Variants in SMOC1 observed in about 807,000 individuals in gnomAD.
SMOC1 encodes the protein SPARC related modular calcium binding 1, also known as SPARC-related modular calcium-binding protein 1.
Under a neutral mutation model 56.3 loss-of-function variants are expected in SMOC1, and 22 were observed. The observed-to-expected ratio is 0.39, with a 90% CI of 0.28 to 0.56. The LOEUF is 0.56. Among genes scored for constraint, SMOC1 ranks in the 20% least tolerant of loss-of-function variants. The probability of loss-of-function intolerance (pLI) is 0.61; values close to 1 mark genes in which losing one functional copy is unlikely to be tolerated. For missense variants in SMOC1, 509 were observed against 565.4 expected (o/e 0.90, Z 1.01); for synonymous variants, 193 against 215.0 (o/e 0.90, Z 0.89).
At chr14:69,899,590 G>T (rs1250735694) in intron 1 of SMOC1, among the ~76,000 whole-genome samples, 1 of 152,126 alleles carries the variant, frequency 6.6e-6, no homozygotes, top group African/African-American at 2.4e-5. Flanking sequence ...TTCATGAATT[G>T]TCCAATCCCC....
intron 3 of SMOC1, among the ~76,000 whole-genome samples, chr14:69,956,364 T>A (rs1397807378): frequency 1.3e-5 from 2 of 151,924 alleles, no homozygotes. Flanking sequence ...CCTCTTTGAG[T>A]ATGCTTCAGT....
intron 5 of SMOC1, among the ~76,000 whole-genome samples, chr14:69,986,612 T>C (rs778648605): frequency 6.6e-6 from 1 of 152,176 alleles, no homozygotes; most frequent in African/African-American, 2.4e-5. Flanking sequence ...TCGATAATCA[T>C]TTCAAAATAA....
Position 69,903,235 on chromosome 14 carries a change from G to C in SMOC1, c.99+23458G>C, listed in dbSNP as rs550630362. 3.3e-5 allele frequency among the ~76,000 whole-genome samples: 5 copies of C among 151,192 alleles called. No individual in the cohort carries two copies. In the South Asian group the frequency reaches 6.3e-4, roughly 19 times the overall value. ...GGGAGCCCCTCTGCCCCGCCGCCCC[G>C]TCTGGGATGTGAGGAGCGCCTCTGC... On this transcript the variant is annotated intron_variant, in intron 1 of 11. Coordinates refer to ENST00000361956, the MANE Select transcript of SMOC1 (RefSeq NM_001034852.3).
intron 1 of SMOC1, among the ~76,000 whole-genome samples, chr14:69,922,338 T>G (rs758327079): frequency 1.3e-5 from 2 of 152,256 alleles, no homozygotes; most frequent in Non-Finnish European, 2.9e-5. Flanking sequence ...CTCTTCATCA[T>G]GCTTCAGGCG....
chr14:70,009,665 A>G (rs192539803), intron 7 of SMOC1, among the ~76,000 whole-genome samples: 2 of 152,364 alleles, frequency 1.3e-5, no homozygotes, highest in East Asian at 1.9e-4. Flanking sequence ...AAACAAGTAA[A>G]TGAAAAATAA....
rs1886097602 is a variant in SMOC1 at position 70,030,324 on chromosome 14, C to T, written c.*66C>T. On this transcript the variant is annotated 3_prime_UTR_variant, in exon 12 of 12. Transcript: ENST00000361956. ...CAGGATGGATCACCAGACACCTAAC[C>T]TTCAGCGTTGCCCATGGCCCTGCCA... 1.3e-6 allele frequency: 2 copies of T among 1,599,458 alleles called. No homozygotes were observed. The highest frequency in any genetic ancestry group is 2.2e-5 in the East Asian group (1 of 44,810).
At chr14:69,893,689 T>C (rs1360068736) in intron 1 of SMOC1, among the ~76,000 whole-genome samples, 1 of 152,206 alleles carries the variant, frequency 6.6e-6, no homozygotes, top group African/African-American at 2.4e-5. Context: ...AACTGGCTTA[T>C]ACAGTGAAGG....
chr14:70,000,047 A>G (rs974386173), intron 7 of SMOC1, among the ~76,000 whole-genome samples: 1 of 152,202 alleles, frequency 6.6e-6, no homozygotes, highest in Non-Finnish European at 1.5e-5. Context: ...CTGAAATTGA[A>G]GATCTTGCCC....
At chr14:70,027,687 A>G (rs1338530863) in intron 11 of SMOC1, among the ~76,000 whole-genome samples, 1 of 151,942 alleles carries the variant, frequency 6.6e-6, no homozygotes, top group Non-Finnish European at 1.5e-5. Context: ...AGTTACCTAA[A>G]CTCTCTAAGC....
At chr14:69,989,301 C>G (rs1884480723) in intron 5 of SMOC1, among the ~76,000 whole-genome samples, 1 of 152,148 alleles carries the variant, frequency 6.6e-6, no homozygotes, top group African/African-American at 2.4e-5. Flanking sequence ...TGTTGGATAT[C>G]TTTTCATGTA....
At chr14:70,024,025 A>G (rs572800873) in intron 11 of SMOC1, among the ~76,000 whole-genome samples, 1 of 152,098 alleles carries the variant, frequency 6.6e-6, no homozygotes, top group Non-Finnish European at 1.5e-5. Flanking sequence ...AGGGAGTTTC[A>G]TGGGCCAGTC....
At chr14:70,016,138 C>A (rs180966045) in intron 10 of SMOC1, among the ~76,000 whole-genome samples, 12 of 152,072 alleles carry the variant, frequency 7.9e-5, no homozygotes. Flanking sequence ...AGGTGGGGGA[C>A]GCAGATGGGC....
chr14:69,976,412 TG>T (rs1482660463), intron 4 of SMOC1, among the ~76,000 whole-genome samples: 1 of 152,180 alleles, frequency 6.6e-6, no homozygotes, highest in Non-Finnish European at 1.5e-5. Context: ...CCAGGAGGCC[TG>T]GAGGGAGACC....
In SMOC1 at chr14:70,002,321, T is replaced by A. The variant is rs117681018; in HGVS notation, c.664+7841T>A. Reference sequence around the variant, plus strand: ...ATGGAAAAACCCATGCCAACAGAAGTGTGACTTTAATTCGTGCAAATTCTG... The same window carrying A: ...ATGGAAAAACCCATGCCAACAGAAGAGTGACTTTAATTCGTGCAAATTCTG... On this transcript the variant is annotated intron_variant, in intron 7 of 11. Coordinates refer to ENST00000361956, the MANE Select transcript of SMOC1 (RefSeq NM_001034852.3). 6.0e-3 allele frequency among the ~76,000 whole-genome samples: 910 copies of A among 152,340 alleles called. 4 individuals carry two copies. Among genetic ancestry groups the A allele is most frequent in the Middle Eastern group, 0.01 (3 of 294 alleles).
In SMOC1 at chr14:70,001,051, A is replaced by G. The variant is rs970187822; in HGVS notation, c.664+6571A>G. ...GAGGTACGAGGGAGAACCTGAGAGC[A>G]CCGAGCAGCCTTCCCCTTAACCCAG... On this transcript the variant is annotated intron_variant, in intron 7 of 11. Transcript: ENST00000361956. 2.0e-5 allele frequency among the ~76,000 whole-genome samples: 3 copies of G among 152,156 alleles called. No homozygotes were observed. In the East Asian group the frequency reaches 5.8e-4, roughly 29 times the overall value.
rs1307824560 is a variant in SMOC1 at position 69,919,522 on chromosome 14, G to A, written c.100-32616G>A. On this transcript the variant is annotated intron_variant, in intron 1 of 11. Transcript: ENST00000361956. ...GAATGTAGCAGGCACATGTAATATC[G>A]TAACACATCTGTGATGATTTTACAA... is the stretch of plus-strand genomic sequence containing the variant. 2.0e-5 allele frequency among the ~76,000 whole-genome samples: 3 copies of A among 152,166 alleles called. 1 individual carries two copies. The highest frequency in any genetic ancestry group is 4.1e-4 in the South Asian group (2 of 4,824).
chr14:70,025,234 G>A (rs1294578737), intron 11 of SMOC1, among the ~76,000 whole-genome samples: 1 of 152,206 alleles, frequency 6.6e-6, no homozygotes, highest in Non-Finnish European at 1.5e-5. Context: ...TGAAATGGAA[G>A]CTTTGGAAAA....
At chr14:69,909,511 G>A (rs1354185600) in intron 1 of SMOC1, among the ~76,000 whole-genome samples, 1 of 152,170 alleles carries the variant, frequency 6.6e-6, no homozygotes, top group Non-Finnish European at 1.5e-5. Context: ...GTTTGGCATG[G>A]CCAGGAAACA....
In SMOC1 at chr14:69,958,855, C is replaced by A. The variant is rs139380962; in HGVS notation, c.378+5323C>A. 8.6e-3 allele frequency among the ~76,000 whole-genome samples: 1,315 copies of A among 152,304 alleles called. 24 individuals carry two copies. The highest frequency in any genetic ancestry group is 0.03 in the African/African-American group (1,253 of 41,556). ...ATAGCCACACTATGCAACCTCCAAA[C>A]GCATGTGTTGTAGAGGCTTATGTAA... On this transcript the variant is annotated intron_variant, in intron 3 of 11. Transcript: ENST00000361956.
Sources: allele counts gnomAD v4.1 joint callset (sites outside exome capture counted in the v4.1 genomes callset), GRCh38; gene constraint gnomAD v4.1.1; transcripts MANE v1.5; gene names NCBI Gene and HGNC (gene_info 2026-07-23, HGNC 2026-07-21).